The following PTCHD4 variants were observed in gnomAD, a reference collection of about 807,000 sequenced individuals.
PTCHD4 encodes the protein patched domain-containing protein 4.
A neutral mutation model predicts 58.1 loss-of-function variants in PTCHD4; 33 were observed. That is an observed-to-expected ratio of 0.57 (90% confidence interval 0.43 to 0.76). The LOEUF is 0.76. Ranked by LOEUF, PTCHD4 falls within the 30% of genes least tolerant of loss-of-function variation. The probability of loss-of-function intolerance (pLI) is 0.00; values close to 1 mark genes in which losing one functional copy is unlikely to be tolerated. For synonymous variants in PTCHD4, 478 were observed against 409.6 expected (o/e 1.17, Z -2.02); for missense variants, 1,058 against 1,027.1 (o/e 1.03, Z -0.41).
At chr6:47,901,860 T>C (rs1295241257) in intron 4 of PTCHD4, 1 of 1,302,136 alleles carries the variant, frequency 7.7e-7, no homozygotes, top group South Asian at 1.2e-5. Context: ...CTCCAGTTTT[T>C]TCTCTCCTTC....
At chr6:47,919,554 A>T (rs978962861) in intron 4 of PTCHD4, among the ~76,000 whole-genome samples, 4 of 152,156 alleles carry the variant, frequency 2.6e-5, no homozygotes, top group Non-Finnish European at 1.5e-5. Context: ...TAGCAGAGAG[A>T]CTGGTTTTTA....
In PTCHD4 at chr6:47,866,917, G is replaced by A. The variant is rs948914614; in HGVS notation, c.*11386C>T. Among the ~76,000 whole-genome samples the A allele has an allele frequency of 2.6e-5, 4 of 151,786 alleles. No homozygotes were observed. Among genetic ancestry groups the A allele is most frequent in the Admixed American group, 6.6e-5 (1 of 15,206 alleles). ...TAAAATTTACATTTAGAAAAGGATA[G>A]ATGGGGAGAAAATCTATGCAGTTAT... On this transcript the variant is annotated 3_prime_UTR_variant, in exon 5 of 5. Coordinates refer to ENST00000339488, the MANE Select transcript of PTCHD4 (RefSeq NM_001384253.1).
At chr6:48,002,062 T>TCACACACACACACACACAAAA (rs1400907832) in intron 4 of PTCHD4, among the ~76,000 whole-genome samples, 5 of 152,132 alleles carry the variant, frequency 3.3e-5, no homozygotes, top group African/African-American at 1.2e-4. Flanking sequence ...CACAATGAGA[T>TCACACACACACACACACAAAA]ACCATCACAC....
At chr6:48,025,708 T>C (rs796639114) in intron 3 of PTCHD4, among the ~76,000 whole-genome samples, 1 of 152,274 alleles carries the variant, frequency 6.6e-6, no homozygotes, top group African/African-American at 2.4e-5. Flanking sequence ...TAAGCAGGTA[T>C]TTAGGATAAG....
rs1763432304 is a variant in PTCHD4, at chr6:47,861,812, C to A, written c.*16491G>T. On this transcript the variant is annotated 3_prime_UTR_variant, in exon 5 of 5. Transcript: ENST00000339488. ...CGCTGAGCAATTTGAACTGCTTTGT[C>A]CCTCACACAGGACTTTGTACATCAC... is the stretch of plus-strand genomic sequence containing the variant. Among the ~76,000 whole-genome samples, 1 of 151,890 alleles carries A rather than the reference C, an allele frequency of 6.6e-6. No homozygotes were observed. Among genetic ancestry groups the A allele is most frequent in the African/African-American group, 2.4e-5 (1 of 41,396 alleles).
intron 1 of PTCHD4, among the ~76,000 whole-genome samples, chr6:48,077,419 T>G (rs2113890011): frequency 6.6e-6 from 1 of 152,366 alleles, no homozygotes; most frequent in African/African-American, 2.4e-5. Flanking sequence ...ATTCATTATC[T>G]TAGGTAGATC....
intron 1 of PTCHD4, among the ~76,000 whole-genome samples, chr6:48,087,903 T>C (rs1325477048): frequency 6.6e-6 from 1 of 152,214 alleles, no homozygotes; most frequent in Non-Finnish European, 1.5e-5. Context: ...CTTAAGCAGT[T>C]AGATTTTAGT....
In PTCHD4 at chr6:48,008,624, G is replaced by C. The variant is rs747811715; in HGVS notation, c.898+10C>G. On this transcript the variant is annotated intron_variant, in intron 4 of 4. Transcript: ENST00000339488. ...GTAAGAATCCGATTACCACAAGGATGGATAGTTACCCATGGCGAAGAACGG... is the reference window on the plus strand; with the variant it reads ...GTAAGAATCCGATTACCACAAGGATCGATAGTTACCCATGGCGAAGAACGG... 3 of 1,611,378 alleles carry C rather than the reference G, an allele frequency of 1.9e-6. No individual in the cohort carries two copies. The highest frequency in any genetic ancestry group is 2.5e-6 in the Non-Finnish European group (3 of 1,178,572).
Position 48,082,576 on chromosome 6 carries a change from C to T in PTCHD4, c.-969-12650G>A, listed in dbSNP as rs139913728. Among the ~76,000 whole-genome samples, 1,320 of 152,322 alleles carry T rather than the reference C, an allele frequency of 8.7e-3. 9 individuals are homozygous for T. Among genetic ancestry groups the T allele is most frequent in the Non-Finnish European group, 0.013 (906 of 68,020 alleles). On this transcript the variant is annotated intron_variant, in intron 1 of 4. Coordinates refer to ENST00000339488, the MANE Select transcript of PTCHD4 (RefSeq NM_001384253.1). ...AATAAGACTCTTCTATCCACATCTT[C>T]CTACTTTCAGTTATACTCCCAAGAT...
chr6:47,996,447 C>G (rs1247640278), intron 4 of PTCHD4, among the ~76,000 whole-genome samples: 6 of 93,256 alleles, frequency 6.4e-5, no homozygotes, highest in East Asian at 7.4e-4. Context: ...TGCTCCCCAG[C>G]CTGGGCTACA....
At chr6:47,982,493 T>G (rs1360746109) in intron 4 of PTCHD4, among the ~76,000 whole-genome samples, 1 of 149,372 alleles carries the variant, frequency 6.7e-6, no homozygotes, top group African/African-American at 2.5e-5. Flanking sequence ...TTTTTTTTTT[T>G]TTTTTTGTTT....
Position 47,910,856 on chromosome 6 carries a change from C to T in PTCHD4, c.899-30920G>A, listed in dbSNP as rs9395330. ...TATAAACATTTTTAGTTAAAATCTA[C>T]CCCTTCTCCTCACGTATAAATATTT... On this transcript the variant is annotated intron_variant, in intron 4 of 4. Transcript: ENST00000339488. Among the ~76,000 whole-genome samples the T allele has an allele frequency of 1.3e-5, 2 of 152,098 alleles. 1 individual carries two copies. Among genetic ancestry groups the T allele is most frequent in the South Asian group, 4.1e-4 (2 of 4,826 alleles).
intron 4 of PTCHD4, among the ~76,000 whole-genome samples, chr6:47,971,629 G>A (rs1442600310): frequency 6.6e-6 from 1 of 152,158 alleles, no homozygotes; most frequent in Non-Finnish European, 1.5e-5. Flanking sequence ...TATCTTTAAG[G>A]TGTGAGGATG....
intron 4 of PTCHD4, among the ~76,000 whole-genome samples, chr6:47,885,083 T>C (rs1438719897): frequency 6.6e-6 from 1 of 152,230 alleles, no homozygotes; most frequent in Non-Finnish European, 1.5e-5. Flanking sequence ...ATTACATTAG[T>C]ATATATTTGC....
chr6:48,036,699 C>T (rs1052974354), intron 3 of PTCHD4, among the ~76,000 whole-genome samples: 2 of 152,046 alleles, frequency 1.3e-5, no homozygotes, highest in African/African-American at 4.8e-5. Context: ...AAAAGGAACC[C>T]ACAAAGTGCT....
chr6:47,999,690 A>G (rs975957911), intron 4 of PTCHD4, among the ~76,000 whole-genome samples: 2 of 152,178 alleles, frequency 1.3e-5, no homozygotes, highest in African/African-American at 4.8e-5. Flanking sequence ...ATCCATGAAC[A>G]TAATAAAGTG....
chr6:48,075,460 T>C (rs1268078281), intron 1 of PTCHD4, among the ~76,000 whole-genome samples: 1 of 150,890 alleles, frequency 6.6e-6, no homozygotes, highest in African/African-American at 2.4e-5. Context: ...TTTTTTGTAC[T>C]AGTTAGTTTA....
At chr6:48,049,846 T>G (rs988748329) in intron 3 of PTCHD4, among the ~76,000 whole-genome samples, 9 of 151,988 alleles carry the variant, frequency 5.9e-5, no homozygotes, top group Non-Finnish European at 8.8e-5. Flanking sequence ...ATCTTCAATA[T>G]TTTGGGTACT....
intron 4 of PTCHD4, among the ~76,000 whole-genome samples, chr6:47,883,407 C>G (rs2114106756): frequency 6.6e-6 from 1 of 152,152 alleles, no homozygotes; most frequent in African/African-American, 2.4e-5. Context: ...AGTGAGTTTT[C>G]TTTTTGTAGA....
Sources: gnomAD v4.1 joint callset for allele counts (sites outside exome capture counted in the v4.1 genomes callset) on GRCh38, gnomAD v4.1.1 for gene constraint, MANE v1.5 for transcripts, NCBI Gene and HGNC (gene_info 2026-07-23, HGNC 2026-07-21) for gene names.